PARD3B: variants seen among roughly 807,000 people sequenced by gnomAD.
PARD3B encodes the protein partitioning defective 3 homolog B.
A neutral mutation model predicts 130.2 loss-of-function variants in PARD3B; 103 were observed. The observed-to-expected ratio is 0.79, with a 90% CI of 0.67 to 0.93. The LOEUF is 0.93. Ranked by LOEUF, PARD3B falls within the 40% of genes least tolerant of loss-of-function variation. The pLI is 0.00. For synonymous variants in PARD3B, 583 were observed against 553.2 expected, an observed-to-expected ratio of 1.05 and a Z score of -0.76; for missense variants, 1,609 against 1,499.2, an observed-to-expected ratio of 1.07 and a Z score of -1.21.
chr2:204,752,887 G>A (rs1038445174), intron 2 of PARD3B, among the ~76,000 whole-genome samples: 1 of 152,106 alleles, frequency 6.6e-6, no homozygotes, highest in Non-Finnish European at 1.5e-5. Flanking sequence ...AACCACCTAC[G>A]ACATCCCACA....
At chr2:204,882,410 A>G (rs935658402) in intron 2 of PARD3B, among the ~76,000 whole-genome samples, 1 of 152,334 alleles carries the variant, frequency 6.6e-6, no homozygotes, top group African/African-American at 2.4e-5. Context: ...TTAGCCTAAT[A>G]TTGGGTAATC....
chr2:205,581,880 C>T (rs1175364179), intron 22 of PARD3B, among the ~76,000 whole-genome samples: 1 of 152,138 alleles, frequency 6.6e-6, no homozygotes, highest in East Asian at 1.9e-4. Flanking sequence ...TCTGTGGCAA[C>T]GTTTGTGGAT....
At chr2:204,560,753 G>A (rs2031254800) in intron 1 of PARD3B, among the ~76,000 whole-genome samples, 1 of 152,166 alleles carries the variant, frequency 6.6e-6, no homozygotes, top group Admixed American at 6.5e-5. Context: ...TTTGGGGCAG[G>A]ATGGAGATAT....
rs376744453 is a variant in PARD3B at position 204,928,450 on chromosome 2, C to T, written c.223-36702C>T. ...ATTGCAAAGGGAAAGACTACAAGGA[C>T]GATAATTGGGGCCATTTTAAACATC... is the stretch of plus-strand genomic sequence containing the variant. On this transcript the variant is annotated intron_variant, in intron 2 of 22. Coordinates refer to ENST00000406610, the MANE Select transcript of PARD3B (RefSeq NM_001302769.2). 8.5e-5 allele frequency among the ~76,000 whole-genome samples: 13 copies of T among 152,168 alleles called. No individual in the cohort carries two copies. In the East Asian group the frequency reaches 1.9e-3, roughly 23 times the overall value.
At chr2:205,326,638 G>A (rs2042948877) in intron 18 of PARD3B, among the ~76,000 whole-genome samples, 2 of 152,134 alleles carry the variant, frequency 1.3e-5, no homozygotes, top group Non-Finnish European at 2.9e-5. Flanking sequence ...TACAATCTTA[G>A]TATGCTGAGG....
At chr2:205,086,809 G>T (rs1358540228) in intron 4 of PARD3B, among the ~76,000 whole-genome samples, 3 of 152,136 alleles carry the variant, frequency 2.0e-5, no homozygotes, top group African/African-American at 7.2e-5. Flanking sequence ...AGCCCACAGG[G>T]GTGGGTGTGA....
At chr2:204,729,539 C>T (rs764378021) in intron 2 of PARD3B, among the ~76,000 whole-genome samples, 14 of 152,180 alleles carry the variant, frequency 9.2e-5, no homozygotes, top group South Asian at 2.1e-4. Flanking sequence ...AATGTGATAC[C>T]GAGCAGACAT....
At chr2:205,279,545 C>T (rs2041108134) in intron 16 of PARD3B, among the ~76,000 whole-genome samples, 1 of 152,154 alleles carries the variant, frequency 6.6e-6, no homozygotes, top group African/African-American at 2.4e-5. Context: ...AAATGGATGT[C>T]ATACCATTTA....
chr2:205,144,254 C>T (rs1049207045), intron 10 of PARD3B, among the ~76,000 whole-genome samples: 3 of 152,154 alleles, frequency 2.0e-5, no homozygotes, highest in African/African-American at 4.8e-5. Flanking sequence ...GTGGAGCAGA[C>T]GTATACCTAA....
At chr2:204,880,953 G>C (rs1575201388) in intron 2 of PARD3B, among the ~76,000 whole-genome samples, 1 of 152,070 alleles carries the variant, frequency 6.6e-6, no homozygotes, top group East Asian at 1.9e-4. Context: ...ATTTCATTAA[G>C]AAAAAATCAG....
intron 3 of PARD3B, among the ~76,000 whole-genome samples, chr2:205,043,286 T>C (rs1698517282): frequency 6.6e-6 from 1 of 152,144 alleles, no homozygotes; most frequent in African/African-American, 2.4e-5. Flanking sequence ...TCACAATAAA[T>C]AACAAGTGCT....
At chr2:205,376,019 G>A (rs2045033987) in intron 18 of PARD3B, among the ~76,000 whole-genome samples, 1 of 152,156 alleles carries the variant, frequency 6.6e-6, no homozygotes, top group Non-Finnish European at 1.5e-5. Flanking sequence ...AGCAAGAAAA[G>A]TTTAAGAAAG....
chr2:205,367,995 G>T (rs906119518), intron 18 of PARD3B, among the ~76,000 whole-genome samples: 1 of 152,084 alleles, frequency 6.6e-6, no homozygotes, highest in African/African-American at 2.4e-5. Context: ...ATTTATTTAC[G>T]TTAGCAAAAA....
intron 19 of PARD3B, among the ~76,000 whole-genome samples, chr2:205,413,036 C>T (rs775136066): frequency 1.3e-5 from 2 of 152,160 alleles, no homozygotes; most frequent in Admixed American, 6.6e-5. Flanking sequence ...TATTTTTCTT[C>T]GTCTTTCTTT....
Position 205,553,314 on chromosome 2 carries a change from C to A in PARD3B, c.3181-10C>A, listed in dbSNP as rs200705594. The A allele has an allele frequency of 3.1e-6, 5 of 1,612,350 alleles. No homozygotes were observed. The highest frequency in any genetic ancestry group is 4.2e-6 in the Non-Finnish European group (5 of 1,178,626). On this transcript the variant is annotated splice_polypyrimidine_tract_variant and intron_variant, in intron 21 of 22. Transcript: ENST00000406610. ...TGGATCTTCATCTCTAATTGCTTTT[C>A]TCTCCACAGGTGCCTGGAAGGGGTC...
intron 10 of PARD3B, among the ~76,000 whole-genome samples, chr2:205,151,548 G>A (rs940744312): frequency 6.6e-6 from 1 of 152,124 alleles, no homozygotes; most frequent in African/African-American, 2.4e-5. Flanking sequence ...AACTTTGTTG[G>A]TTTAAAGTCT....
chr2:205,357,374 A>G (rs139542226), intron 18 of PARD3B, among the ~76,000 whole-genome samples: 1 of 152,336 alleles, frequency 6.6e-6, no homozygotes, highest in East Asian at 1.9e-4. Flanking sequence ...GAGTTGAATT[A>G]TATTTGGAAG....
At chr2:205,186,857 C>G (rs1432678151) in intron 14 of PARD3B, among the ~76,000 whole-genome samples, 2 of 152,100 alleles carry the variant, frequency 1.3e-5, no homozygotes, top group Middle Eastern at 3.2e-3. Flanking sequence ...ATTTCCATTG[C>G]CTGCCTCGAT....
rs35707832 is a variant in PARD3B, at chr2:205,338,178, A to AC, written c.2630+36477_2630+36478insC. Among the ~76,000 whole-genome samples, 822 of 123,398 alleles carry AC rather than the reference A, an allele frequency of 6.7e-3. 181 individuals carry two copies. Among genetic ancestry groups the AC allele is most frequent in the East Asian group, 0.042 (155 of 3,690 alleles). 81.0% of individuals were successfully genotyped at this position (123,398 alleles called of 152,430 possible). ...AAAAAAAAAAAAAAAAAAAAAAAAA[A>AC]GGCTTCATGAGGTGTTTTTGTCATC... is the stretch of plus-strand genomic sequence containing the variant. On this transcript the variant is annotated intron_variant, in intron 18 of 22. Coordinates refer to ENST00000406610, the MANE Select transcript of PARD3B (RefSeq NM_001302769.2).
Sources: allele counts gnomAD v4.1 joint callset (sites outside exome capture counted in the v4.1 genomes callset), GRCh38; gene constraint gnomAD v4.1.1; transcripts MANE v1.5; gene names NCBI Gene and HGNC (gene_info 2026-07-23, HGNC 2026-07-21).